Variants in NTNG1 observed in about 807,000 individuals in gnomAD.
NTNG1 encodes netrin G1, also known as netrin-G1.
Under a neutral mutation model 54.0 loss-of-function variants are expected in NTNG1, and 16 were observed. That is an observed-to-expected ratio of 0.30 (90% CI 0.20 to 0.45). The LOEUF (loss-of-function observed/expected upper bound fraction) is 0.45. NTNG1 is among the 20% of genes least tolerant of loss of function. The pLI is 1.00. For synonymous variants in NTNG1, 255 were observed against 263.1 expected (o/e 0.97, Z 0.30); for missense variants, 530 against 678.7 (o/e 0.78, Z 2.43).
At position 107,213,820 on chromosome 1, in the gene NTNG1, G is replaced by A. The variant is rs116683404; in HGVS notation, c.246+64981G>A. ...TGATTATTTTCCAGACGTAGCAAGGGAGAATTAAGGCACCAAATTCATTCA... is the reference window on the plus strand; with the variant it reads ...TGATTATTTTCCAGACGTAGCAAGGAAGAATTAAGGCACCAAATTCATTCA... On this transcript the variant is annotated intron_variant, in intron 2 of 7. Transcript: ENST00000370068. Among the ~76,000 whole-genome samples the A allele has an allele frequency of 8.3e-3, 1,269 of 152,166 alleles. 8 individuals are homozygous for A. The highest frequency in any genetic ancestry group is 0.027 in the Middle Eastern group (8 of 294).
intron 2 of NTNG1, among the ~76,000 whole-genome samples, chr1:107,296,592 A>G (rs886752999): frequency 6.7e-5 from 10 of 148,542 alleles, no homozygotes; most frequent in African/African-American, 2.2e-4. Flanking sequence ...TAAATATATG[A>G]AATCGATGTT....
intron 2 of NTNG1, among the ~76,000 whole-genome samples, chr1:107,187,545 C>A (rs1029774341): frequency 5.9e-5 from 9 of 152,110 alleles, no homozygotes; most frequent in African/African-American, 2.2e-4. Context: ...TAATTGGTTT[C>A]CTAGCAGGAT....
chr1:107,335,687 T>C (rs1185365115), intron 3 of NTNG1, among the ~76,000 whole-genome samples: 2 of 151,920 alleles, frequency 1.3e-5, no homozygotes, highest in African/African-American at 4.8e-5. Flanking sequence ...ATTTTACTCA[T>C]TGTATCGTCA....
At chr1:107,143,908 A>G (rs1407049207) in intron 1 of NTNG1, among the ~76,000 whole-genome samples, 1 of 152,120 alleles carries the variant, frequency 6.6e-6, no homozygotes, top group Non-Finnish European at 1.5e-5. Context: ...TCTTCTCTCA[A>G]TGAAAATAGA....
At chr1:107,318,081 A>G (rs997277337) in intron 2 of NTNG1, among the ~76,000 whole-genome samples, 4 of 152,214 alleles carry the variant, frequency 2.6e-5, no homozygotes, top group East Asian at 1.9e-4. Context: ...CTTTATCCAC[A>G]GTTTTAATTC....
rs74634145 is a variant in NTNG1 at position 107,472,035 on chromosome 1, G to T, written c.1391-8576G>T. ...CAAGTGTTATTATCCTGCTTGTGAA[G>T]TGAAGAAAGGCACAAAGAGGTTAAG... On this transcript the variant is annotated intron_variant, in intron 7 of 7. Transcript: ENST00000370068. Among the ~76,000 whole-genome samples the T allele has an allele frequency of 2.8e-4, 42 of 152,290 alleles. No individual in the cohort carries two copies. The East Asian group carries it at 7.5e-3, about 27-fold the overall frequency.
intron 7 of NTNG1, among the ~76,000 whole-genome samples, chr1:107,468,592 A>G (rs971786391): frequency 6.6e-6 from 1 of 152,202 alleles, no homozygotes; most frequent in African/African-American, 2.4e-5. Flanking sequence ...CTATGTTCCC[A>G]TAATGGTTTC....
At chr1:107,208,361 C>T (rs536580398) in intron 2 of NTNG1, among the ~76,000 whole-genome samples, 18 of 147,594 alleles carry the variant, frequency 1.2e-4, no homozygotes, top group African/African-American at 1.7e-4. Flanking sequence ...ACCTGGAAGG[C>T]GGAGGTTGCA....
At chr1:107,250,110 A>G (rs540857912) in intron 2 of NTNG1, among the ~76,000 whole-genome samples, 3 of 152,196 alleles carry the variant, frequency 2.0e-5, no homozygotes, top group South Asian at 2.1e-4. Context: ...GCACAAATTT[A>G]TACCTTTAGA....
At chr1:107,407,635 C>A in intron 4 of NTNG1, 47 bp from the exon 5 acceptor site, 10 of 1,460,388 alleles carry the variant, frequency 6.8e-6, no homozygotes, top group South Asian at 1.2e-5. Flanking sequence ...ATGTTATGTA[C>A]TAATAAATAG....
At chr1:107,182,844 G>T (rs1229985813) in intron 2 of NTNG1, among the ~76,000 whole-genome samples, 1 of 152,080 alleles carries the variant, frequency 6.6e-6, no homozygotes, top group Non-Finnish European at 1.5e-5. Context: ...CCGCTGATTC[G>T]CTGTGATTCA....
chr1:107,331,760 A>G (rs1347040471), intron 3 of NTNG1, among the ~76,000 whole-genome samples: 4 of 152,088 alleles, frequency 2.6e-5, no homozygotes, highest in African/African-American at 7.2e-5. Flanking sequence ...ACTTCCACAT[A>G]TAAGTCCACA....
At chr1:107,393,423 A>T (rs1672486209) in intron 3 of NTNG1, among the ~76,000 whole-genome samples, 3 of 152,194 alleles carry the variant, frequency 2.0e-5, no homozygotes, top group Admixed American at 2.0e-4. Flanking sequence ...ATAGGAGATT[A>T]TTATAGGACC....
intron 2 of NTNG1, among the ~76,000 whole-genome samples, chr1:107,206,803 A>G (rs1659226444): frequency 1.3e-5 from 2 of 152,238 alleles, no homozygotes; most frequent in South Asian, 4.2e-4. Context: ...ATCAGAGACA[A>G]TTCTTTTACT....
intron 7 of NTNG1, among the ~76,000 whole-genome samples, chr1:107,442,132 A>C (rs1281391917): frequency 6.6e-6 from 1 of 152,176 alleles, no homozygotes; most frequent in African/African-American, 2.4e-5. Context: ...AAAATAGTTT[A>C]CTTGCATTAA....
chr1:107,430,282 G>A (rs988547199), intron 5 of NTNG1, among the ~76,000 whole-genome samples: 5 of 152,108 alleles, frequency 3.3e-5, no homozygotes, highest in Non-Finnish European at 5.9e-5. Flanking sequence ...TTGGCATGAT[G>A]TCAGAGAGCT....
At chr1:107,260,339 G>A (rs1335444280) in intron 2 of NTNG1, among the ~76,000 whole-genome samples, 1 of 152,084 alleles carries the variant, frequency 6.6e-6, no homozygotes, top group East Asian at 1.9e-4. Flanking sequence ...TACTTTCTGG[G>A]GCTGCTTTGG....
At chr1:107,475,906 A>C (rs1164444850) in intron 7 of NTNG1, among the ~76,000 whole-genome samples, 1 of 152,096 alleles carries the variant, frequency 6.6e-6, no homozygotes, top group Non-Finnish European at 1.5e-5. Flanking sequence ...ATTGTCAAAT[A>C]CCCATGGGAG....
chr1:107,251,016 A>G (rs746942149), intron 2 of NTNG1, among the ~76,000 whole-genome samples: 5 of 152,330 alleles, frequency 3.3e-5, no homozygotes, highest in African/African-American at 1.2e-4. Context: ...ATTGTCTTCA[A>G]TCATGCAAAA....
Sources: allele counts gnomAD v4.1 joint callset (sites outside exome capture counted in the v4.1 genomes callset), GRCh38; gene constraint gnomAD v4.1.1; transcripts MANE v1.5; gene names NCBI Gene and HGNC (gene_info 2026-07-23, HGNC 2026-07-21).